GLG1: variants seen among roughly 807,000 people sequenced by gnomAD.
GLG1 encodes golgi glycoprotein 1, also known as Golgi apparatus protein 1.
Under a neutral mutation model 160.5 loss-of-function variants are expected in GLG1, and 38 were observed. The observed-to-expected ratio is 0.24, with a 90% CI of 0.18 to 0.31. The LOEUF is 0.31. Among genes scored for constraint, GLG1 ranks in the 10% least tolerant of loss-of-function variants. GLG1 has a pLI of 1.00. For synonymous variants in GLG1, 644 were observed against 543.4 expected (o/e 1.19, Z -2.57); for missense variants, 1,373 against 1,505.2 (o/e 0.91, Z 1.45).
chr16:74,457,365 C>T (rs940189596), intron 24 of GLG1, among the ~76,000 whole-genome samples: 2 of 152,110 alleles, frequency 1.3e-5, no homozygotes, highest in East Asian at 3.8e-4. Flanking sequence ...CCACCACACT[C>T]CAGCCTGGGT....
chr16:74,550,733 T>C (rs1438961988), intron 1 of GLG1, among the ~76,000 whole-genome samples: 2 of 151,836 alleles, frequency 1.3e-5, no homozygotes, highest in African/African-American at 4.8e-5. Flanking sequence ...AGCAATCTTC[T>C]GAAAAAAAAA....
At position 74,451,316 on chromosome 16, in the gene GLG1, A is replaced by T. The variant is rs2014292404; in HGVS notation, c.*1851T>A. On this transcript the variant is annotated 3_prime_UTR_variant, in exon 26 of 26. Transcript: ENST00000422840. ...GACCGAGGGGACTAAGCAGCTTAGCAGCTTCCCTTGGTGACTTGGCAGGGG... is the reference window on the plus strand; with the variant it reads ...GACCGAGGGGACTAAGCAGCTTAGCTGCTTCCCTTGGTGACTTGGCAGGGG... The T allele has an allele frequency of 6.6e-6, 1 of 152,238 alleles. No homozygotes were observed. Among genetic ancestry groups the T allele is most frequent in the African/African-American group, 2.4e-5 (1 of 41,462 alleles). The allele number at this position is 152,238 out of a possible 1,614,324, so 9.4% of individuals were successfully genotyped here. A position where few individuals can be genotyped will look rare whatever the true frequency, so the allele number is the denominator to read the frequency against.
chr16:74,582,689 G>A (rs570005989), intron 1 of GLG1, among the ~76,000 whole-genome samples: 6 of 151,868 alleles, frequency 4.0e-5, no homozygotes, highest in Non-Finnish European at 8.8e-5. Context: ...CGTGGTGGCG[G>A]GCGCCTATAG....
intron 1 of GLG1, among the ~76,000 whole-genome samples, chr16:74,569,946 G>A (rs1173695782): frequency 1.3e-5 from 2 of 151,304 alleles, no homozygotes; most frequent in Non-Finnish European, 2.9e-5. Context: ...ATTTTGGGAG[G>A]CTGAGGCCAG....
chr16:74,597,914 G>A (rs1037864573), intron 1 of GLG1, among the ~76,000 whole-genome samples: 26 of 151,276 alleles, frequency 1.7e-4, no homozygotes, highest in Middle Eastern at 3.4e-3. Context: ...TACTCATGAG[G>A]CTGAGGCAGG....
chr16:74,490,727 C>G (rs898309219), intron 8 of GLG1, among the ~76,000 whole-genome samples: 1 of 152,206 alleles, frequency 6.6e-6, no homozygotes, highest in African/African-American at 2.4e-5. Flanking sequence ...GCAAGCTGCC[C>G]TTTCTTTAGG....
At chr16:74,466,643 T>C (rs367693581) in intron 18 of GLG1, among the ~76,000 whole-genome samples, 6 of 152,282 alleles carry the variant, frequency 3.9e-5, no homozygotes, top group East Asian at 1.9e-4. Flanking sequence ...TTTTAAAATA[T>C]ACTTAAAATC....
intron 2 of GLG1, among the ~76,000 whole-genome samples, chr16:74,509,848 CAA>C (rs34364918): frequency 2.0e-4 from 23 of 114,626 alleles, no homozygotes; most frequent in Non-Finnish European, 2.6e-4. Flanking sequence ...GACTCTGTCT[CAA>C]AAAAAAAAAA....
chr16:74,578,266 C>T (rs895258086), intron 1 of GLG1, among the ~76,000 whole-genome samples: 1 of 151,956 alleles, frequency 6.6e-6, no homozygotes, highest in Admixed American at 6.6e-5. Flanking sequence ...TAGATAAAAG[C>T]TTTTTGTAGA....
chr16:74,581,763 T>C (rs548707545), intron 1 of GLG1, among the ~76,000 whole-genome samples: 1 of 151,982 alleles, frequency 6.6e-6, no homozygotes, highest in South Asian at 2.1e-4. Context: ...ATACAAAAAA[T>C]TAGCTGGGCT....
At chr16:74,501,111 T>C (rs1454265588) in intron 4 of GLG1, among the ~76,000 whole-genome samples, 2 of 152,250 alleles carry the variant, frequency 1.3e-5, no homozygotes, top group Non-Finnish European at 2.9e-5. Context: ...AGCTGCTTTG[T>C]TAATTTTCAG....
chr16:74,508,644 T>C (rs1038410357), intron 3 of GLG1, among the ~76,000 whole-genome samples, 195 bp downstream of exon 3: 3 of 152,158 alleles, frequency 2.0e-5, no homozygotes, highest in East Asian at 1.9e-4. Context: ...CCTCAATCAA[T>C]AGTATCCTAA....
intron 1 of GLG1, among the ~76,000 whole-genome samples, chr16:74,593,598 C>G (rs1162351795): frequency 6.6e-6 from 1 of 151,694 alleles, no homozygotes; most frequent in East Asian, 2.0e-4. Flanking sequence ...CCATGCCTGG[C>G]TAATTTTTGT....
chr16:74,479,361 T>C (rs1597246611), intron 11 of GLG1, among the ~76,000 whole-genome samples: 1 of 146,204 alleles, frequency 6.8e-6, no homozygotes. Context: ...AGAATAAACC[T>C]CCTACCCCCT....
At chr16:74,503,335 A>G (rs1188126465) in intron 4 of GLG1, among the ~76,000 whole-genome samples, 196 bp downstream of exon 4, 2 of 152,178 alleles carry the variant, frequency 1.3e-5, no homozygotes. Context: ...CTTCCCATAC[A>G]GTACTGAAAA....
intron 3 of GLG1, 73 bp from the exon 4 acceptor site, chr16:74,503,819 A>T: frequency 1.0e-6 from 1 of 990,584 alleles, no homozygotes; most frequent in Non-Finnish European, 1.6e-6. Context: ...CAAAGAGAAA[A>T]ATGTCTGAAA....
chr16:74,580,528 AAAATGGATCAAAGGCCT>A (rs1443117686), intron 1 of GLG1, among the ~76,000 whole-genome samples: 2 of 152,152 alleles, frequency 1.3e-5, no homozygotes, highest in African/African-American at 4.8e-5. Flanking sequence ...AAATTAACTC[AAAATGGATCAAAGGCCT>A]AAATGTAAGA....
At chr16:74,569,867 A>G (rs540708380) in intron 1 of GLG1, among the ~76,000 whole-genome samples, 72 of 151,098 alleles carry the variant, frequency 4.8e-4, no homozygotes, top group African/African-American at 1.6e-3. Flanking sequence ...AACTCAAAAA[A>G]AAAAAAAGAA....
chr16:74,595,198 A>T (rs1958271210), intron 1 of GLG1, among the ~76,000 whole-genome samples: 1 of 146,490 alleles, frequency 6.8e-6, no homozygotes, highest in South Asian at 2.2e-4. Context: ...AAAAAAAAAT[A>T]ATAATAATTT....
Sources: gnomAD v4.1 joint callset for allele counts (sites outside exome capture counted in the v4.1 genomes callset) on GRCh38, gnomAD v4.1.1 for gene constraint, MANE v1.5 for transcripts, NCBI Gene and HGNC (gene_info 2026-07-23, HGNC 2026-07-21) for gene names.